The following SNTG1 variants were observed in gnomAD, a reference collection of about 807,000 sequenced individuals.
SNTG1 encodes the protein gamma-1-syntrophin.
SNTG1 carries 39 observed loss-of-function variants against 74.7 expected under a neutral mutation model. That is an observed-to-expected ratio of 0.52 (90% CI 0.40 to 0.68). The LOEUF is 0.68. SNTG1 is among the 30% of genes least tolerant of loss of function. The pLI, the probability that SNTG1 is intolerant of heterozygous loss-of-function variation, is 0.00. For missense variants in SNTG1, 685 were observed against 609.5 expected (o/e 1.12, Z -1.30); for synonymous variants, 254 against 217.1 (o/e 1.17, Z -1.49).
chr8:50,148,969 G>A (rs971736771), intron 1 of SNTG1, among the ~76,000 whole-genome samples: 1 of 152,246 alleles, frequency 6.6e-6, no homozygotes. Flanking sequence ...CTGAGGAATC[G>A]CCACACCAAC....
At chr8:50,015,071 G>A (rs993400986) in intron 1 of SNTG1, among the ~76,000 whole-genome samples, 1 of 149,456 alleles carries the variant, frequency 6.7e-6, no homozygotes, top group African/African-American at 2.4e-5. Context: ...GAATTTAGTA[G>A]GGGAACAATT....
chr8:50,525,829 A>G (rs1563524099), intron 9 of SNTG1, among the ~76,000 whole-genome samples: 1 of 123,054 alleles, frequency 8.1e-6, no homozygotes, highest in Non-Finnish European at 1.6e-5. Context: ...GTTTTTAAAG[A>G]TAATTTACAG....
chr8:50,644,200 G>C (rs140328115), intron 13 of SNTG1: 400 of 152,376 alleles, frequency 2.6e-3, no homozygotes, highest in Non-Finnish European at 4.5e-3. Context: ...GTTAGGTGCT[G>C]TGGACCTCAC....
intron 15 of SNTG1, among the ~76,000 whole-genome samples, chr8:50,660,261 GGA>G (rs201824217): frequency 0.021 from 3,020 of 142,940 alleles, 116 homozygotes; most frequent in African/African-American, 0.072. Flanking sequence ...AAGGAGGGAA[GGA>G]GAGAGAGAGA....
intron 15 of SNTG1, among the ~76,000 whole-genome samples, chr8:50,696,283 T>C (rs1585564566): frequency 6.6e-6 from 1 of 152,102 alleles, no homozygotes; most frequent in South Asian, 2.1e-4. Context: ...AAAATGTCTG[T>C]TCATGTCCTT....
chr8:50,782,604 G>T (rs189043139), intron 18 of SNTG1, among the ~76,000 whole-genome samples: 1 of 151,964 alleles, frequency 6.6e-6, no homozygotes, highest in Non-Finnish European at 1.5e-5. Context: ...TTATACATTC[G>T]TCTAAATTTT....
intron 2 of SNTG1, among the ~76,000 whole-genome samples, chr8:50,263,773 A>T (rs4421361): frequency 8.2e-4 from 124 of 152,070 alleles, no homozygotes; most frequent in Middle Eastern, 3.4e-3. Flanking sequence ...ACTTCAATAC[A>T]GGTAGAGCAA....
At chr8:50,573,406 C>G (rs2094559689) in intron 12 of SNTG1, among the ~76,000 whole-genome samples, 1 of 151,802 alleles carries the variant, frequency 6.6e-6, no homozygotes. Context: ...AAAACTGGCT[C>G]TATTTAATGG....
At position 50,636,223 on chromosome 8, in the gene SNTG1, G is replaced by C. The variant is rs146617974; in HGVS notation, c.850-20686G>C. Among the ~76,000 whole-genome samples, 237 of 151,120 alleles carry C rather than the reference G, an allele frequency of 1.6e-3. 2 individuals carry two copies. Among genetic ancestry groups the C allele is most frequent in the Middle Eastern group, 0.01 (3 of 294 alleles). On this transcript the variant is annotated intron_variant, in intron 13 of 18. Coordinates refer to ENST00000642720, the MANE Select transcript of SNTG1 (RefSeq NM_018967.5). The stretch of plus-strand genomic sequence containing the variant: ...GCAGAAGAAAGGACTCTTTTTCAGA[G>C]CTGTGAGCTGTGCTGCCTGGGGTTC...
intron 15 of SNTG1, among the ~76,000 whole-genome samples, chr8:50,668,630 T>C (rs1387877836): frequency 1.3e-5 from 2 of 151,686 alleles, no homozygotes; most frequent in African/African-American, 4.8e-5. Flanking sequence ...TATCGACCTG[T>C]CCTCTAAGGT....
intron 8 of SNTG1, among the ~76,000 whole-genome samples, chr8:50,459,931 T>C (rs1563416544): frequency 1.3e-5 from 2 of 152,244 alleles, no homozygotes; most frequent in Non-Finnish European, 2.9e-5. Flanking sequence ...CTTAGGTTGA[T>C]TCTGTGACCT....
At chr8:50,334,319 C>T (rs899792017) in intron 2 of SNTG1, among the ~76,000 whole-genome samples, 1 of 152,142 alleles carries the variant, frequency 6.6e-6, no homozygotes, top group Admixed American at 6.5e-5. Context: ...AGTTACAGAA[C>T]TGAAAGCAAA....
chr8:50,413,118 T>C (rs1051715280), intron 4 of SNTG1, among the ~76,000 whole-genome samples: 6 of 152,234 alleles, frequency 3.9e-5, no homozygotes, highest in Non-Finnish European at 8.8e-5. Flanking sequence ...TACAGATTTG[T>C]CATACTTACA....
At chr8:50,792,071 C>T (rs537911709) in intron 18 of SNTG1, among the ~76,000 whole-genome samples, 1 of 148,690 alleles carries the variant, frequency 6.7e-6, no homozygotes, top group South Asian at 2.1e-4. Flanking sequence ...AATTAGTGAG[C>T]TCTAGTTTAT....
At chr8:50,616,406 T>C (rs1338871206) in intron 13 of SNTG1, among the ~76,000 whole-genome samples, 3 of 152,206 alleles carry the variant, frequency 2.0e-5, no homozygotes, top group Non-Finnish European at 4.4e-5. Flanking sequence ...CCACTGACAC[T>C]ATCCCTGAGA....
chr8:50,584,395 G>A (rs2094633306), intron 12 of SNTG1, among the ~76,000 whole-genome samples: 1 of 151,910 alleles, frequency 6.6e-6, no homozygotes, highest in South Asian at 2.1e-4. Context: ...GCGTAAAAGT[G>A]TTCCTATGTC....
Position 50,794,130 on chromosome 8 carries a change from A to AT in SNTG1, c.*1301_*1302insT, listed in dbSNP as rs1295988665. Reference sequence around the variant, plus strand: ...GTCAGCTGTGTATGTAAAAAAAAAAAAAAATTTTTATTGATACACATGCTC... The same window carrying AT: ...GTCAGCTGTGTATGTAAAAAAAAAAATAAAATTTTTATTGATACACATGCTC... On this transcript the variant is annotated 3_prime_UTR_variant, in exon 19 of 19. Coordinates refer to ENST00000642720, the MANE Select transcript of SNTG1 (RefSeq NM_018967.5). 6.6e-6 allele frequency: 1 copy of AT among 151,850 alleles called. No homozygotes were observed. Among genetic ancestry groups the AT allele is most frequent in the Non-Finnish European group, 1.5e-5 (1 of 67,892 alleles). The allele number at this position is 151,850 out of a possible 1,614,324, so 9.4% of individuals were successfully genotyped here. A position where few individuals can be genotyped will look rare whatever the true frequency, so the allele number is the denominator to read the frequency against.
intron 2 of SNTG1, among the ~76,000 whole-genome samples, chr8:50,297,868 T>C (rs568490619): frequency 6.7e-6 from 1 of 149,938 alleles, no homozygotes; most frequent in South Asian, 2.1e-4. Flanking sequence ...AAGATTTGGT[T>C]GAAATATGTG....
At chr8:50,702,080 A>T (rs970532043) in intron 15 of SNTG1, among the ~76,000 whole-genome samples, 1 of 151,532 alleles carries the variant, frequency 6.6e-6, no homozygotes, top group African/African-American at 2.4e-5. Flanking sequence ...GGAACTCCCC[A>T]ACCTCAAGTG....
Sources: allele counts gnomAD v4.1 joint callset (sites outside exome capture counted in the v4.1 genomes callset), GRCh38; gene constraint gnomAD v4.1.1; transcripts MANE v1.5; gene names NCBI Gene and HGNC (gene_info 2026-07-23, HGNC 2026-07-21).